TRPM3: variants seen among roughly 807,000 people sequenced by gnomAD.
The protein encoded by TRPM3 is transient receptor potential cation channel subfamily M member 3.
A neutral mutation model predicts 181.2 loss-of-function variants in TRPM3; 77 were observed. The ratio of observed to expected loss-of-function variants is 0.42; its 90% CI spans 0.35 to 0.51. The LOEUF is 0.51. Among genes scored for constraint, TRPM3 ranks in the 20% least tolerant of loss-of-function variants. TRPM3 has a pLI of 0.01. For missense variants in TRPM3, 1,759 were observed against 2,196.7 expected (o/e 0.80, Z 3.98); for synonymous variants, 745 against 796.4 (o/e 0.94, Z 1.09).
At chr9:70,765,958 T>C (rs2079038825) in intron 7 of TRPM3, among the ~76,000 whole-genome samples, 1 of 152,212 alleles carries the variant, frequency 6.6e-6, no homozygotes, top group Admixed American at 6.5e-5. Flanking sequence ...TGTGAAATTT[T>C]TATTTTAGAA....
chr9:70,938,891 G>C (rs1291737717), intron 1 of TRPM3, among the ~76,000 whole-genome samples: 5 of 151,744 alleles, frequency 3.3e-5, no homozygotes, highest in African/African-American at 1.2e-4. Context: ...CTGGGAGGCA[G>C]AGCTTGCAGT....
chr9:70,579,818 C>T (rs185761098), intron 22 of TRPM3, among the ~76,000 whole-genome samples: 11 of 152,300 alleles, frequency 7.2e-5, no homozygotes, highest in Admixed American at 5.9e-4. Context: ...TAGGCAAAGC[C>T]GTTTTGCCAC....
At chr9:70,949,396 C>T in intron 1 of TRPM3, among the ~76,000 whole-genome samples, 1 of 151,916 alleles carries the variant, frequency 6.6e-6, no homozygotes, top group Non-Finnish European at 1.5e-5. Context: ...TGTGTTTGGA[C>T]AGCACGGAGG....
intron 1 of TRPM3, among the ~76,000 whole-genome samples, chr9:71,158,426 C>G (rs2076109658): frequency 6.6e-6 from 1 of 152,112 alleles, no homozygotes; most frequent in South Asian, 2.1e-4. Context: ...CACCCACTAG[C>G]TGTAGACCTG....
intron 1 of TRPM3, chr9:70,868,943 T>C (rs555304197): frequency 3.8e-5 from 37 of 966,012 alleles, no homozygotes; most frequent in South Asian, 2.9e-4. Flanking sequence ...AGATCCAATA[T>C]TGAGAAGTTG....
intron 1 of TRPM3, among the ~76,000 whole-genome samples, chr9:71,328,720 T>C (rs1360593353): frequency 6.6e-6 from 1 of 152,228 alleles, no homozygotes; most frequent in African/African-American, 2.4e-5. Context: ...CAATCGCTTA[T>C]TTAAAAATTC....
chr9:71,250,484 A>G (rs1295414996), intron 1 of TRPM3, among the ~76,000 whole-genome samples: 1 of 152,186 alleles, frequency 6.6e-6, no homozygotes, highest in East Asian at 1.9e-4. Context: ...TGCTGTCCTT[A>G]AGCTTATAAT....
intron 1 of TRPM3, among the ~76,000 whole-genome samples, chr9:71,098,056 C>T (rs762586058): frequency 1.3e-5 from 2 of 152,112 alleles, no homozygotes; most frequent in Admixed American, 6.6e-5. Context: ...GTATTTGATA[C>T]ATGCTCAGGC....
intron 1 of TRPM3, among the ~76,000 whole-genome samples, chr9:70,989,983 T>G (rs1031107666): frequency 6.6e-6 from 1 of 152,190 alleles, no homozygotes; most frequent in African/African-American, 2.4e-5. Context: ...TTTGTTTAAC[T>G]GTCATAACAT....
intron 1 of TRPM3, among the ~76,000 whole-genome samples, chr9:71,164,589 A>G (rs943664267): frequency 6.6e-6 from 1 of 152,090 alleles, no homozygotes; most frequent in Non-Finnish European, 1.5e-5. Context: ...TATGGCCTGA[A>G]AAGTATCTAT....
At chr9:71,015,961 C>T (rs2097780836) in intron 1 of TRPM3, among the ~76,000 whole-genome samples, 1 of 151,796 alleles carries the variant, frequency 6.6e-6, no homozygotes, top group Non-Finnish European at 1.5e-5. Flanking sequence ...CTTTGGGAGG[C>T]CGAGGGAGGC....
intron 1 of TRPM3, among the ~76,000 whole-genome samples, chr9:71,183,449 C>T (rs1271703423): frequency 6.6e-6 from 1 of 152,106 alleles, no homozygotes; most frequent in Non-Finnish European, 1.5e-5. Context: ...TCCTCTTCTG[C>T]TTTTTCATTT....
rs1012024514 is a variant in TRPM3 at position 71,004,421 on chromosome 9, G to A, written c.177+116757C>T. 2.0e-5 allele frequency among the ~76,000 whole-genome samples: 3 copies of A among 152,348 alleles called. No homozygotes were observed. The East Asian group carries it at 5.8e-4, about 29-fold the overall frequency. Reference sequence around the variant, plus strand: ...TTCCAATGCTCACTGTAAGTCTTCCGCAATCCGGGAAGCAACCGCAGAATG... The same window carrying A: ...TTCCAATGCTCACTGTAAGTCTTCCACAATCCGGGAAGCAACCGCAGAATG... On this transcript the variant is annotated intron_variant, in intron 1 of 25. Coordinates refer to ENST00000677713, the MANE Select transcript of TRPM3 (RefSeq NM_001366145.2).
chr9:70,619,144 T>C, intron 16 of TRPM3, 49 bp from the exon 17 acceptor site: 1 of 1,524,400 alleles, frequency 6.6e-7, no homozygotes, highest in Non-Finnish European at 8.9e-7. Context: ...CTTGGAGACT[T>C]ATAAGGTAAA....
In TRPM3 at chr9:71,360,238, C is replaced by A. The variant is rs137964460; in HGVS notation, c.183+86415G>T. ...GTAGCCAATGTCCTAGCCCAAGACTCAGGAGTCAGGAGTCCAGTTCTAATT... is the reference window on the plus strand; with the variant it reads ...GTAGCCAATGTCCTAGCCCAAGACTAAGGAGTCAGGAGTCCAGTTCTAATT... On this transcript the variant is annotated intron_variant, in intron 1 of 24. Transcript: ENST00000357533. Among the ~76,000 whole-genome samples, 33 of 152,276 alleles carry A rather than the reference C, an allele frequency of 2.2e-4. No individual in the cohort carries two copies. The East Asian group carries it at 6.2e-3, about 29-fold the overall frequency.
At chr9:70,937,793 C>T (rs569124745) in intron 1 of TRPM3, among the ~76,000 whole-genome samples, 2 of 146,280 alleles carry the variant, frequency 1.4e-5, no homozygotes, top group South Asian at 4.5e-4. Flanking sequence ...CAATGACACT[C>T]ATAGTCCTGT....
chr9:71,201,519 C>T (rs1019019331), intron 1 of TRPM3, among the ~76,000 whole-genome samples: 4 of 152,122 alleles, frequency 2.6e-5, no homozygotes, highest in East Asian at 3.9e-4. Flanking sequence ...ACCAATCAGA[C>T]GTAGATTTGG....
At chr9:71,056,793 G>C (rs2060717484) in intron 1 of TRPM3, among the ~76,000 whole-genome samples, 2 of 151,946 alleles carry the variant, frequency 1.3e-5, no homozygotes, top group African/African-American at 4.8e-5. Flanking sequence ...CTAGTCTCCA[G>C]AACTGTGAGA....
intron 1 of TRPM3, among the ~76,000 whole-genome samples, chr9:70,896,408 G>C (rs1420204172): frequency 6.6e-6 from 1 of 152,080 alleles, no homozygotes; most frequent in Non-Finnish European, 1.5e-5. Context: ...AAACATATTG[G>C]GATCTGGATG....
Sources: gnomAD v4.1 joint callset for allele counts (sites outside exome capture counted in the v4.1 genomes callset) on GRCh38, gnomAD v4.1.1 for gene constraint, MANE v1.5 for transcripts, NCBI Gene and HGNC (gene_info 2026-07-23, HGNC 2026-07-21) for gene names.